GDPD1: variants seen among roughly 807,000 people sequenced by gnomAD.
The protein encoded by GDPD1 is lysophospholipase D GDPD1.
A neutral mutation model predicts 45.1 loss-of-function variants in GDPD1; 28 were observed. The observed-to-expected ratio is 0.62, with a 90% CI of 0.46 to 0.85. The LOEUF is 0.85. Among genes scored for constraint, GDPD1 ranks in the 40% least tolerant of loss-of-function variants. GDPD1 has a pLI of 0.00. For synonymous variants in GDPD1, 139 were observed against 131.4 expected, an observed-to-expected ratio of 1.06 and a Z score of -0.40; for missense variants, 256 against 364.8, an observed-to-expected ratio of 0.70 and a Z score of 2.43.
At position 59,266,785 on chromosome 17, in the gene GDPD1, T is replaced by C. The variant is rs558118176; in HGVS notation, c.577-256T>C. On this transcript the variant is annotated intron_variant, in intron 6 of 9. Transcript: ENST00000284116. ...TACTGTAACCAACGCAGAAGTGGTA[T>C]TGCAAAAGCAGAGACGGTAATAGAG... Among the ~76,000 whole-genome samples, 82 of 152,286 alleles carry C rather than the reference T, an allele frequency of 5.4e-4. 1 individual carries two copies. The highest frequency in any genetic ancestry group is 4.1e-4 in the South Asian group (2 of 4,830).
intron 1 of GDPD1, among the ~76,000 whole-genome samples, chr17:59,222,792 G>A (rs968518959): frequency 3.9e-5 from 6 of 152,238 alleles, no homozygotes; most frequent in Non-Finnish European, 8.8e-5. Flanking sequence ...TGGGATTACA[G>A]GCGTGAGACA....
In GDPD1 at chr17:59,273,863, G is replaced by A. The variant is rs2047461306; in HGVS notation, c.*90G>A. ...CATTTCCCTAAGCCATTTCCAGAAT[G>A]GTAAAAGGTTTAATCAGTTTTTATT... is the stretch of plus-strand genomic sequence containing the variant. On this transcript the variant is annotated 3_prime_UTR_variant, in exon 10 of 10. Coordinates refer to ENST00000284116, the MANE Select transcript of GDPD1 (RefSeq NM_182569.4). 2 of 1,360,528 alleles carry A rather than the reference G, an allele frequency of 1.5e-6. No individual in the cohort carries two copies. The highest frequency in any genetic ancestry group is 1.9e-6 in the Non-Finnish European group (2 of 1,052,000). The allele number at this position is 1,360,528 out of a possible 1,614,324, so 84.3% of individuals were successfully genotyped here.
chr17:59,229,968 G>T (rs927422381), intron 1 of GDPD1, among the ~76,000 whole-genome samples: 7 of 152,104 alleles, frequency 4.6e-5, no homozygotes, highest in African/African-American at 1.7e-4. Flanking sequence ...GTGTGTTTTT[G>T]TTTGCTTGCT....
intron 2 of GDPD1, among the ~76,000 whole-genome samples, chr17:59,241,565 G>T (rs982648459): frequency 6.6e-6 from 1 of 151,906 alleles, no homozygotes; most frequent in Admixed American, 6.6e-5. Context: ...GTGATCTGCC[G>T]CCTTGGCCTC....
At chr17:59,245,602 G>T (rs1272136105) in intron 3 of GDPD1, 53 bp downstream of exon 3, 5 of 1,440,072 alleles carry the variant, frequency 3.5e-6, no homozygotes, top group Admixed American at 2.3e-5. Context: ...CGGCCTATAA[G>T]ATTTTTTTTA....
At chr17:59,271,070 T>G in intron 8 of GDPD1, 75 bp downstream of exon 8, 1 of 878,688 alleles carries the variant, frequency 1.1e-6, no homozygotes, top group South Asian at 1.6e-5. Flanking sequence ...TAAAATGTTG[T>G]GCAAGCTTTC....
At chr17:59,255,161 A>G (rs549961852) in intron 4 of GDPD1, among the ~76,000 whole-genome samples, 7 of 152,336 alleles carry the variant, frequency 4.6e-5, no homozygotes, top group African/African-American at 1.7e-4. Context: ...GATTTGCCAT[A>G]TAATAAGACG....
At chr17:59,255,798 T>TATATATACAC (rs1491465967) in intron 4 of GDPD1, among the ~76,000 whole-genome samples, 4 of 47,952 alleles carry the variant, frequency 8.3e-5, no homozygotes, top group South Asian at 7.9e-4. Context: ...CGTATATATG[T>TATATATACAC]ATATATATAT....
chr17:59,255,762 A>AATATATATAT (rs1203946108), intron 4 of GDPD1, among the ~76,000 whole-genome samples: 1 of 44,356 alleles, frequency 2.3e-5, no homozygotes, highest in Non-Finnish European at 3.5e-5. Flanking sequence ...AAAAAAAAAA[A>AATATATATAT]ATATATATAT....
chr17:59,252,109 G>C (rs185048855), intron 4 of GDPD1, among the ~76,000 whole-genome samples: 1 of 151,056 alleles, frequency 6.6e-6, no homozygotes, highest in Non-Finnish European at 1.5e-5. Context: ...TTGCTTACCA[G>C]GCTGGGCACG....
At chr17:59,262,204 A>C (rs572808191) in intron 6 of GDPD1, among the ~76,000 whole-genome samples, 5 of 152,176 alleles carry the variant, frequency 3.3e-5, no homozygotes, top group Non-Finnish European at 7.4e-5. Context: ...ACAGGCGTAC[A>C]GGCATTTTTT....
intron 6 of GDPD1, among the ~76,000 whole-genome samples, chr17:59,263,979 A>G (rs1163213624): frequency 6.6e-6 from 1 of 151,978 alleles, no homozygotes; most frequent in African/African-American, 2.4e-5. Context: ...AAAGTTGCAT[A>G]AGTATTTTTA....
chr17:59,229,163 T>A (rs964637223), intron 1 of GDPD1, among the ~76,000 whole-genome samples: 1 of 140,512 alleles, frequency 7.1e-6, no homozygotes, highest in Admixed American at 7.1e-5. Context: ...TTATTATTAT[T>A]ATTATTTTGA....
intron 1 of GDPD1, among the ~76,000 whole-genome samples, chr17:59,222,135 C>G (rs923116006): frequency 1.3e-5 from 2 of 152,116 alleles, no homozygotes; most frequent in Non-Finnish European, 2.9e-5. Flanking sequence ...AACCAGGGAC[C>G]GACTTTTAGT....
intron 4 of GDPD1, among the ~76,000 whole-genome samples, chr17:59,256,362 A>T (rs958368195): frequency 6.6e-6 from 1 of 152,094 alleles, no homozygotes; most frequent in Non-Finnish European, 1.5e-5. Flanking sequence ...GACTAAAGAA[A>T]ATAATCCTCA....
At chr17:59,235,478 T>C (rs1324341160) in intron 2 of GDPD1, among the ~76,000 whole-genome samples, 2 of 152,214 alleles carry the variant, frequency 1.3e-5, no homozygotes, top group Non-Finnish European at 2.9e-5. Flanking sequence ...TTCTATACTA[T>C]GATGCCTTTT....
chr17:59,236,896 C>CT (rs1173185644), intron 2 of GDPD1, among the ~76,000 whole-genome samples: 1 of 152,030 alleles, frequency 6.6e-6, no homozygotes, highest in Non-Finnish European at 1.5e-5. Context: ...TAAAACCCCT[C>CT]TTTTTTTGAG....
rs141508567 is a variant in GDPD1 at position 59,270,389 on chromosome 17, G to C, written c.711-547G>C. On this transcript the variant is annotated intron_variant, in intron 7 of 9. Coordinates refer to ENST00000284116, the MANE Select transcript of GDPD1 (RefSeq NM_182569.4). The stretch of plus-strand genomic sequence containing the variant: ...TTATGTTTTTAGTAGAGACGGGGGG[G>C]GGTTTCACTATGTTGGCCAGGCTGG... Among the ~76,000 whole-genome samples the C allele has an allele frequency of 4.5e-3, 682 of 151,636 alleles. 6 individuals carry two copies. Among genetic ancestry groups the C allele is most frequent in the Middle Eastern group, 0.02 (6 of 294 alleles).
chr17:59,226,131 T>C (rs2047045639), intron 1 of GDPD1, among the ~76,000 whole-genome samples: 2 of 152,224 alleles, frequency 1.3e-5, no homozygotes, highest in African/African-American at 4.8e-5. Context: ...CTGGCTTTTG[T>C]GTTCTTTTAA....
Sources: allele counts gnomAD v4.1 joint callset (sites outside exome capture counted in the v4.1 genomes callset), GRCh38; gene constraint gnomAD v4.1.1; transcripts MANE v1.5; gene names NCBI Gene and HGNC (gene_info 2026-07-23, HGNC 2026-07-21).